The following CACNB4 variants were observed in gnomAD, a reference collection of about 807,000 sequenced individuals.
CACNB4 encodes the protein calcium voltage-gated channel auxiliary subunit beta 4.
CACNB4 carries 32 observed loss-of-function variants against 71.2 expected under a neutral mutation model. The ratio of observed to expected loss-of-function variants is 0.45; its 90% CI spans 0.34 to 0.60. CACNB4 has a LOEUF of 0.60. Among genes scored for constraint, CACNB4 ranks in the 20% least tolerant of loss-of-function variants. The pLI is 0.01. For synonymous variants in CACNB4, 231 were observed against 236.9 expected, an observed-to-expected ratio of 0.97 and a Z score of 0.23; for missense variants, 464 against 647.9, an observed-to-expected ratio of 0.72 and a Z score of 3.08.
chr2:151,932,642 C>T (rs913995332), intron 2 of CACNB4, among the ~76,000 whole-genome samples: 2 of 151,832 alleles, frequency 1.3e-5, no homozygotes, highest in South Asian at 2.1e-4. Flanking sequence ...AAATTTGACC[C>T]GCCTGGCCAA....
chr2:152,026,930 G>A (rs553852565), intron 2 of CACNB4, among the ~76,000 whole-genome samples: 6 of 144,914 alleles, frequency 4.1e-5, no homozygotes, highest in Admixed American at 6.8e-5. Flanking sequence ...TTTTTGATAC[G>A]GAGTTTCACT....
At chr2:151,889,077 T>A (rs927000718) in intron 2 of CACNB4, among the ~76,000 whole-genome samples, 1 of 152,258 alleles carries the variant, frequency 6.6e-6, no homozygotes, top group African/African-American at 2.4e-5. Context: ...AGCTAGTGGC[T>A]ACCATATTGG....
intron 2 of CACNB4, among the ~76,000 whole-genome samples, chr2:151,890,370 C>T (rs148810216): frequency 5.3e-4 from 80 of 152,184 alleles, no homozygotes; most frequent in Middle Eastern, 6.8e-3. Flanking sequence ...TAAAGGGAAG[C>T]GGAAGAGAAT....
chr2:151,886,100 G>A (rs979227949), intron 2 of CACNB4, among the ~76,000 whole-genome samples: 6 of 152,028 alleles, frequency 3.9e-5, no homozygotes, highest in Non-Finnish European at 5.9e-5. Flanking sequence ...GGTGTGAACC[G>A]CTGTGCCTGA....
intron 2 of CACNB4, among the ~76,000 whole-genome samples, chr2:152,003,302 C>T (rs1479321483): frequency 2.6e-5 from 4 of 152,006 alleles, no homozygotes; most frequent in African/African-American, 7.2e-5. Context: ...AAAAATTAGC[C>T]GGGCCTGGTG....
rs191769171 is a variant in CACNB4 at position 151,946,340 on chromosome 2, A to G, written c.148-62970T>C. Among the ~76,000 whole-genome samples the G allele has an allele frequency of 1.3e-3, 191 of 151,966 alleles. 1 individual carries two copies. Among genetic ancestry groups the G allele is most frequent in the Non-Finnish European group, 2.3e-3 (154 of 67,942 alleles). ...GTAAAACTCTGTCGCAAAAAAAAAA[A>G]AAGGCTCCCAATGAGGCTTCAGTGA... On this transcript the variant is annotated intron_variant, in intron 2 of 13. Transcript: ENST00000539935.
At chr2:152,028,140 G>C (rs575344168) in intron 2 of CACNB4, among the ~76,000 whole-genome samples, 6 of 152,132 alleles carry the variant, frequency 3.9e-5, no homozygotes, top group Non-Finnish European at 2.9e-5. Context: ...AGAGCAAAGA[G>C]GGCATGACCT....
At chr2:152,064,438 T>A (rs1239653482) in intron 2 of CACNB4, among the ~76,000 whole-genome samples, 1 of 152,254 alleles carries the variant, frequency 6.6e-6, no homozygotes, top group Non-Finnish European at 1.5e-5. Context: ...TGGAGTGCAG[T>A]GTTGCGATCT....
At chr2:152,084,680 G>C (rs1444777804) in intron 2 of CACNB4, among the ~76,000 whole-genome samples, 1 of 152,174 alleles carries the variant, frequency 6.6e-6, no homozygotes. Flanking sequence ...CACAATCATA[G>C]CTCACTGCAG....
Position 151,880,855 on chromosome 2 carries a change from G to C in CACNB4, c.335C>G (p.Pro112Arg). The C allele has an allele frequency of 6.2e-7, 1 of 1,613,462 alleles. No individual in the cohort carries two copies. The highest frequency in any genetic ancestry group is 8.5e-7 in the Non-Finnish European group (1 of 1,179,442). The change falls in exon 4 of 14, where the codon CCT becomes CGT. Residue 112 changes from proline (P) to arginine (R), a missense_variant. Physicochemically the swap from Pro to Arg is moderately radical, Grantham distance 103. This residue lies in a region of CACNB4 where 299 missense variants were observed against 471.7 expected (regional missense o/e 0.63). Transcript: ENST00000539935. The stretch of plus-strand genomic sequence containing the variant: ...AAAGGAGATAGCTGTGCTTGGAACA[G>C]GCACATCCTCGTCCAGGGCGCCGCA... ...SYCGALDEDV[P>R]VPSTAISFDA... is the part of the protein sequence containing the mutation.
chr2:151,915,513 T>C (rs1453783355), intron 2 of CACNB4, among the ~76,000 whole-genome samples: 1 of 152,204 alleles, frequency 6.6e-6, no homozygotes, highest in Non-Finnish European at 1.5e-5. Context: ...GCGGGGGTTC[T>C]GTAGGCTTAA....
chr2:151,864,269 C>T (rs1301753560), intron 9 of CACNB4, among the ~76,000 whole-genome samples: 1 of 152,098 alleles, frequency 6.6e-6, no homozygotes, highest in Non-Finnish European at 1.5e-5. Context: ...GATGTAGCAG[C>T]GAATGTTCCT....
At chr2:151,990,525 G>C (rs748542290) in intron 2 of CACNB4, among the ~76,000 whole-genome samples, 1 of 152,174 alleles carries the variant, frequency 6.6e-6, no homozygotes, top group Non-Finnish European at 1.5e-5. Flanking sequence ...GTGAGCTCCA[G>C]GAGGAACAGG....
In CACNB4 at chr2:151,870,518, A is replaced by G. The variant is rs746473135; in HGVS notation, c.699+13T>C. 4 of 1,604,980 alleles carry G rather than the reference A, an allele frequency of 2.5e-6. No individual in the cohort carries two copies. In the East Asian group the frequency reaches 8.9e-5, roughly 36 times the overall value. On this transcript the variant is annotated intron_variant, in intron 8 of 13. Transcript: ENST00000539935. Reference sequence around the variant, plus strand: ...TCGATCAAGAACTGAAGAGTAACAGATGATATTTGTACCTCGTAACCTTTC... The same window carrying G: ...TCGATCAAGAACTGAAGAGTAACAGGTGATATTTGTACCTCGTAACCTTTC...
At chr2:152,059,331 AG>A (rs1197736408) in intron 2 of CACNB4, among the ~76,000 whole-genome samples, 1 of 152,238 alleles carries the variant, frequency 6.6e-6, no homozygotes, top group East Asian at 1.9e-4. Flanking sequence ...CAGCCGTGAA[AG>A]CAGCCAGGGT....
At chr2:151,897,818 G>C (rs547333075) in intron 2 of CACNB4, among the ~76,000 whole-genome samples, 2 of 152,246 alleles carry the variant, frequency 1.3e-5, no homozygotes, top group East Asian at 3.9e-4. Flanking sequence ...CTAACTCATG[G>C]AGCTGCCATG....
At chr2:151,994,127 G>C (rs1377667201) in intron 2 of CACNB4, among the ~76,000 whole-genome samples, 2 of 151,784 alleles carry the variant, frequency 1.3e-5, no homozygotes, top group Non-Finnish European at 2.9e-5. Flanking sequence ...AGCTATGCTG[G>C]AATCACTACA....
intron 2 of CACNB4, among the ~76,000 whole-genome samples, chr2:151,910,659 G>A (rs113515677): frequency 0.019 from 2,825 of 152,146 alleles, 33 homozygotes; most frequent in Middle Eastern, 0.031. Context: ...TAGTCTATAC[G>A]TCTGTTTTGG....
chr2:151,846,590 A>G (rs2099837652), intron 12 of CACNB4, among the ~76,000 whole-genome samples: 1 of 152,110 alleles, frequency 6.6e-6, no homozygotes. Context: ...TCTCACTCCA[A>G]CGCCCAGGCT....
Sources: allele counts gnomAD v4.1 joint callset (sites outside exome capture counted in the v4.1 genomes callset), GRCh38; gene constraint gnomAD v4.1.1; regional missense constraint gnomAD v4.1.1; transcripts MANE v1.5; gene names NCBI Gene and HGNC (gene_info 2026-07-23, HGNC 2026-07-21).